COL5A2: variants seen among roughly 807,000 people sequenced by gnomAD.
COL5A2 encodes the protein collagen alpha-2(V) chain.
A neutral mutation model predicts 208.2 loss-of-function variants in COL5A2; 23 were observed. The observed-to-expected ratio is 0.11, with a 90% CI of 0.08 to 0.16. The LOEUF is 0.16. COL5A2 is among the 10% of genes least tolerant of loss of function. COL5A2 has a pLI of 1.00. For synonymous variants in COL5A2, 625 were observed against 628.5 expected (o/e 0.99, Z 0.08); for missense variants, 1,590 against 1,956.4 (o/e 0.81, Z 3.53).
At chr2:189,249,924 G>A in the COL5A2 span, among the ~76,000 whole-genome samples, 2 of 152,132 alleles carry the variant, frequency 1.3e-5, no homozygotes, top group Admixed American at 1.3e-4. Context: ...TCTCAAACTC[G>A]TGACCTCAGG....
chr2:189,414,962 G>A, the COL5A2 span, among the ~76,000 whole-genome samples: 34 of 152,180 alleles, frequency 2.2e-4, no homozygotes, highest in African/African-American at 7.7e-4. Flanking sequence ...AATAATAGGT[G>A]TGAACAAAAA....
chr2:189,400,610 T>C, the COL5A2 span, among the ~76,000 whole-genome samples: 1 of 152,196 alleles, frequency 6.6e-6, no homozygotes, highest in Non-Finnish European at 1.5e-5. Context: ...TTCTTTTTTC[T>C]TTAACTTCAA....
intron 8 of COL5A2, among the ~76,000 whole-genome samples, 165 bp downstream of exon 8, chr2:189,088,530 T>C (rs1686713329): frequency 6.7e-6 from 1 of 148,414 alleles, no homozygotes; most frequent in Non-Finnish European, 1.5e-5. Flanking sequence ...GGCTTTTAAC[T>C]GGCATACAGT....
the COL5A2 span, among the ~76,000 whole-genome samples, chr2:189,316,755 T>G: frequency 6.9e-6 from 1 of 145,114 alleles, no homozygotes; most frequent in Non-Finnish European, 1.5e-5. Flanking sequence ...AAGTCAAAAT[T>G]TATTTATTTA....
chr2:189,425,000 G>T, the COL5A2 span, among the ~76,000 whole-genome samples: 1 of 152,128 alleles, frequency 6.6e-6, no homozygotes, highest in South Asian at 2.1e-4. Flanking sequence ...AAATAAATCT[G>T]CTCATTTGCA....
chr2:189,142,453 T>C (rs1357269204), intron 1 of COL5A2, among the ~76,000 whole-genome samples: 1 of 152,134 alleles, frequency 6.6e-6, no homozygotes, highest in African/African-American at 2.4e-5. Context: ...AAATGTACTA[T>C]ACATAGACTT....
Position 189,036,676 on chromosome 2 carries a change from G to T in COL5A2, c.4053C>A (p.Ala1351=), listed in dbSNP as rs1325182366. The part of the protein sequence containing the change: ...PSSVPRKTWW[A]SKSPDNKPVW... ...CAGGTTTATTGTCAGGAGATTTACT[G>T]GCCCACCAGGTTTTACGTGGTACAC... Residue 1351 remains alanine (A), a synonymous_variant, in exon 52 of 54, where the codon GCC becomes GCA. Transcript: ENST00000374866. 1.2e-6 allele frequency: 2 copies of T among 1,613,710 alleles called. No homozygotes were observed. Among genetic ancestry groups the T allele is most frequent in the East Asian group, 4.5e-5 (2 of 44,856 alleles).
chr2:189,211,391 T>C (rs1689211167), intron 1 of COL5A2, among the ~76,000 whole-genome samples: 1 of 152,184 alleles, frequency 6.6e-6, no homozygotes, highest in African/African-American at 2.4e-5. Context: ...TTAAAAACTT[T>C]TCTCACCTTA....
intron 1 of COL5A2, among the ~76,000 whole-genome samples, chr2:189,147,610 T>C (rs1688064842): frequency 1.3e-5 from 2 of 152,132 alleles, no homozygotes; most frequent in Admixed American, 6.5e-5. Context: ...CTAACATGCA[T>C]AAGGAGCTGT....
the COL5A2 span, among the ~76,000 whole-genome samples, chr2:189,261,516 T>C: frequency 6.6e-6 from 1 of 152,136 alleles, no homozygotes; most frequent in South Asian, 2.1e-4. Context: ...TCAGGAAAAA[T>C]GTGAATCATA....
intron 10 of COL5A2, 24 bp downstream of exon 10, chr2:189,085,695 T>A (rs745511641): frequency 1.2e-6 from 2 of 1,608,288 alleles, no homozygotes; most frequent in Non-Finnish European, 1.7e-6. Context: ...TGTAACTGGG[T>A]CTACATGCTT....
chr2:189,052,455 T>A (rs1337057026), intron 40 of COL5A2, among the ~76,000 whole-genome samples: 1 of 152,200 alleles, frequency 6.6e-6, no homozygotes. Context: ...TAGAATCACA[T>A]TGATATTTTA....
At chr2:189,324,034 T>C in the COL5A2 span, among the ~76,000 whole-genome samples, 1 of 152,212 alleles carries the variant, frequency 6.6e-6, no homozygotes, top group South Asian at 2.1e-4. Flanking sequence ...TACAACTATC[T>C]GATCTTTGGC....
At chr2:189,057,257 TC>T in intron 34 of COL5A2, 62 bp downstream of exon 34, 1 of 1,149,066 alleles carries the variant, frequency 8.7e-7, no homozygotes, top group South Asian at 1.3e-5. Flanking sequence ...AGAAATCATT[TC>T]ATTTTCAGCA....
intron 1 of COL5A2, among the ~76,000 whole-genome samples, chr2:189,143,892 G>T (rs1387578414): frequency 6.6e-6 from 1 of 152,124 alleles, no homozygotes; most frequent in Non-Finnish European, 1.5e-5. Flanking sequence ...TATATCATAC[G>T]TATTATGTGT....
At chr2:189,406,993 G>A in the COL5A2 span, among the ~76,000 whole-genome samples, 1 of 152,078 alleles carries the variant, frequency 6.6e-6, no homozygotes, top group Non-Finnish European at 1.5e-5. Context: ...GAATGAATAT[G>A]TTGAATATTC....
intron 1 of COL5A2, among the ~76,000 whole-genome samples, chr2:189,205,286 T>A (rs910109873): frequency 6.6e-6 from 1 of 152,246 alleles, no homozygotes; most frequent in Non-Finnish European, 1.5e-5. Flanking sequence ...CCAGACACTG[T>A]GCTAAGTGCT....
the COL5A2 span, among the ~76,000 whole-genome samples, chr2:189,390,539 T>G: frequency 6.6e-6 from 1 of 152,126 alleles, no homozygotes; most frequent in Non-Finnish European, 1.5e-5. Flanking sequence ...ACAAGGCTTA[T>G]TAGGGTTGAG....
the COL5A2 span, among the ~76,000 whole-genome samples, chr2:189,233,279 G>A: frequency 6.6e-6 from 1 of 151,550 alleles, no homozygotes; most frequent in Non-Finnish European, 1.5e-5. Flanking sequence ...AGATAAACAG[G>A]GTTTTAAATG....
Sources: gnomAD v4.1 joint callset for allele counts (sites outside exome capture counted in the v4.1 genomes callset) on GRCh38, gnomAD v4.1.1 for gene constraint, MANE v1.5 for transcripts, NCBI Gene and HGNC (gene_info 2026-07-23, HGNC 2026-07-21) for gene names.